The following CHST15 variants were observed in gnomAD, a reference collection of about 807,000 sequenced individuals.
CHST15 encodes carbohydrate sulfotransferase 15, also known as B cell RAG associated protein (GALNAC4S-6ST).
Under a neutral mutation model 53.6 loss-of-function variants are expected in CHST15, and 30 were observed. The ratio of observed to expected loss-of-function variants is 0.56; its 90% CI spans 0.42 to 0.76. The LOEUF (loss-of-function observed/expected upper bound fraction) is 0.76. Ranked by LOEUF, CHST15 falls within the 30% of genes least tolerant of loss-of-function variation. The pLI is 0.00. For synonymous variants in CHST15, 296 were observed against 289.8 expected (o/e 1.02, Z -0.22); for missense variants, 627 against 740.5 (o/e 0.85, Z 1.78).
At position 124,045,743 on chromosome 10, in the gene CHST15, T is replaced by G; in HGVS notation, c.470A>C (p.Asn157Thr). The G allele has an allele frequency of 6.2e-7, 1 of 1,614,172 alleles. No individual in the cohort carries two copies. The highest frequency in any genetic ancestry group is 2.2e-5 in the East Asian group (1 of 44,886). ...KDYPSIKLII[N>T]SITTRIEFTT... is the part of the protein sequence containing the mutation. ...GAACTCAATCCTAGTTGTGATGCTG[T>G]TGATAATTAATTTAATGCTTGGATA... The change falls in exon 2 of 8, where the codon AAC becomes ACC. Residue 157 changes from asparagine to threonine, a missense_variant. By Grantham distance (65) the Asn-to-Thr change is moderately conservative (BLOSUM62 0). Coordinates refer to ENST00000435907, the MANE Select transcript of CHST15 (RefSeq NM_001270764.2).
chr10:124,080,372 A>G (rs1590362568), intron 1 of CHST15, among the ~76,000 whole-genome samples: 1 of 152,184 alleles, frequency 6.6e-6, no homozygotes, highest in Non-Finnish European at 1.5e-5. Flanking sequence ...GAATCAACGG[A>G]GATGTCACCT....
intron 1 of CHST15, among the ~76,000 whole-genome samples, chr10:124,086,776 C>A (rs1355919610): frequency 6.6e-6 from 1 of 152,156 alleles, no homozygotes; most frequent in African/African-American, 2.4e-5. Flanking sequence ...ATTTCAAATA[C>A]TCAAGCCACC....
At chr10:124,021,504 T>C in intron 5 of CHST15, 92 bp from the exon 6 acceptor site, 3 of 1,524,780 alleles carry the variant, frequency 2.0e-6, no homozygotes, top group Non-Finnish European at 2.6e-6. Flanking sequence ...AATTACATTA[T>C]CTAGTTTTCC....
In CHST15 at chr10:124,008,344, T is replaced by TACACAC. The variant is rs376174591; in HGVS notation, c.*1799_*1804dup. ...AGACGCACTCACCCACACGTGCGCG[T>TACACAC]ACACACACACACACGCGCGCACTGT... On this transcript the variant is annotated 3_prime_UTR_variant, in exon 8 of 8. Coordinates refer to ENST00000435907, the MANE Select transcript of CHST15 (RefSeq NM_001270764.2). 1.4e-3 allele frequency: 1,430 copies of TACACAC among 1,054,620 alleles called. 3 individuals are homozygous for TACACAC. The African/African-American group carries it at 0.015, about 11-fold the overall frequency. The allele number at this position is 1,054,620 out of a possible 1,614,324, so 65.3% of individuals were successfully genotyped here.
chr10:124,084,987 G>A (rs764187498), intron 1 of CHST15, among the ~76,000 whole-genome samples: 2 of 152,184 alleles, frequency 1.3e-5, no homozygotes, highest in Admixed American at 6.5e-5. Flanking sequence ...CACACTCCCC[G>A]GGGCAACCCT....
chr10:124,064,437 C>G (rs565994124), intron 1 of CHST15, among the ~76,000 whole-genome samples: 15 of 152,340 alleles, frequency 9.8e-5, no homozygotes, highest in African/African-American at 3.6e-4. Flanking sequence ...CGGAGCAGAA[C>G]GCAAGCCCCT....
chr10:124,071,556 G>A (rs1210482364), intron 1 of CHST15, among the ~76,000 whole-genome samples: 2 of 152,150 alleles, frequency 1.3e-5, no homozygotes, highest in African/African-American at 2.4e-5. Context: ...AGTTCAACTC[G>A]AATAGACGCA....
Position 124,010,202 on chromosome 10 carries a change from CG to C in CHST15, c.1632del (p.Asn544LysfsTer21). 6.2e-7 allele frequency: 1 copy of C among 1,614,000 alleles called. No individual in the cohort carries two copies. The highest frequency in any genetic ancestry group is 8.5e-7 in the Non-Finnish European group (1 of 1,180,056). ...KILRDFYRPFNARLAQVLADE... is the reference protein window; with the variant it reads ...KILRDFYRPFXARLAQVLADE... ...TCCGCGAGGACCTGCGCCAGCCTAG[CG>C]TTGAAGGGCCTGTAGAAATCCCGCA... On this transcript the variant is annotated frameshift_variant, in exon 8 of 8. Coordinates refer to ENST00000435907, the MANE Select transcript of CHST15 (RefSeq NM_001270764.2). LOFTEE classifies it high-confidence loss of function.
intron 1 of CHST15, among the ~76,000 whole-genome samples, chr10:124,059,840 A>G (rs1211490860): frequency 6.6e-6 from 1 of 152,212 alleles, no homozygotes; most frequent in Non-Finnish European, 1.5e-5. Flanking sequence ...TTCAATGAGA[A>G]GAACGGCCTG....
rs548287836 is a variant in CHST15 at position 124,034,999 on chromosome 10, T to C, written c.1190+3516A>G. ...TAATAGGGACCCTGGCTCTACCCCC[T>C]AATAGGGACCCTGGCTCTACCCCCT... is the stretch of plus-strand genomic sequence containing the variant. On this transcript the variant is annotated intron_variant, in intron 5 of 7. Coordinates refer to ENST00000435907, the MANE Select transcript of CHST15 (RefSeq NM_001270764.2). Among the ~76,000 whole-genome samples the C allele has an allele frequency of 9.1e-4, 111 of 121,422 alleles. 1 individual carries two copies. Among genetic ancestry groups the C allele is most frequent in the African/African-American group, 3.5e-3 (98 of 28,346 alleles). The allele number at this position is 121,422 out of a possible 152,430, so 79.7% of individuals were successfully genotyped here.
At chr10:124,021,174 C>T in intron 6 of CHST15, 82 bp downstream of exon 6, 1 of 1,540,902 alleles carries the variant, frequency 6.5e-7, no homozygotes, top group South Asian at 1.2e-5. Flanking sequence ...CGCAAACCCA[C>T]AATGCCGCTT....
intron 1 of CHST15, among the ~76,000 whole-genome samples, chr10:124,077,554 G>A (rs1949117890): frequency 6.6e-6 from 1 of 152,172 alleles, no homozygotes; most frequent in East Asian, 1.9e-4. Context: ...TGAGTGATGT[G>A]CTCTGTCCAC....
chr10:124,012,453 CA>C lies in CHST15; in HGVS notation c.1374del (p.Val459CysfsTer38). On this transcript the variant is annotated frameshift_variant, in exon 7 of 8. Transcript: ENST00000435907. LOFTEE classifies it high-confidence loss of function. ...MPVRLQVGLY[A>X]VYLLDWLSVF... ...ACGCTGAGCCAGTCCAGAAGGTACA[CA>C]GCATAGAGCCCAACCTGGAGCCTCA... is the stretch of plus-strand genomic sequence containing the variant. 6.2e-7 allele frequency: 1 copy of C among 1,614,040 alleles called. No homozygotes were observed. The highest frequency in any genetic ancestry group is 1.1e-5 in the South Asian group (1 of 91,064).
At chr10:124,067,678 A>G (rs1174481043) in intron 1 of CHST15, among the ~76,000 whole-genome samples, 1 of 152,164 alleles carries the variant, frequency 6.6e-6, no homozygotes, top group Non-Finnish European at 1.5e-5. Context: ...GTGTAGTGGC[A>G]TGATCTCAGC....
chr10:124,065,343 C>T (rs935017807), intron 1 of CHST15, among the ~76,000 whole-genome samples: 2 of 152,178 alleles, frequency 1.3e-5, no homozygotes, highest in Non-Finnish European at 2.9e-5. Flanking sequence ...GATCATGCCA[C>T]TTACACTGCA....
intron 1 of CHST15, among the ~76,000 whole-genome samples, chr10:124,067,258 T>A (rs1948776324): frequency 6.6e-6 from 1 of 152,270 alleles, no homozygotes; most frequent in Admixed American, 6.5e-5. Context: ...AGTGATCACA[T>A]TCACATCATT....
intron 5 of CHST15, among the ~76,000 whole-genome samples, chr10:124,035,884 C>T (rs989091262): frequency 2.0e-5 from 3 of 152,244 alleles, no homozygotes; most frequent in African/African-American, 7.2e-5. Flanking sequence ...CAACCAACCA[C>T]AGCCATGCCC....
intron 1 of CHST15, among the ~76,000 whole-genome samples, chr10:124,078,732 T>A (rs554595603): frequency 1.3e-5 from 2 of 152,230 alleles, no homozygotes; most frequent in Non-Finnish European, 2.9e-5. Context: ...CTAAAGCTTA[T>A]GAAATTCTAA....
intron 1 of CHST15, among the ~76,000 whole-genome samples, chr10:124,092,798 C>T (rs1401027364): frequency 6.6e-6 from 1 of 152,248 alleles, no homozygotes; most frequent in Non-Finnish European, 1.5e-5. Context: ...CCGTCCCCTA[C>T]CGCCAAACGA....
Sources: allele counts gnomAD v4.1 joint callset (sites outside exome capture counted in the v4.1 genomes callset), GRCh38; gene constraint gnomAD v4.1.1; transcripts MANE v1.5; gene names NCBI Gene and HGNC (gene_info 2026-07-23, HGNC 2026-07-21).